The following EDIL3 variants were observed in gnomAD, a reference collection of about 807,000 sequenced individuals.
The protein encoded by EDIL3 is EGF-like repeat and discoidin I-like domain-containing protein 3.
Under a neutral mutation model 67.4 loss-of-function variants are expected in EDIL3, and 37 were observed. The observed-to-expected ratio is 0.55, with a 90% CI of 0.42 to 0.72. EDIL3 has a LOEUF of 0.72. Ranked by LOEUF, EDIL3 falls within the 30% of genes least tolerant of loss-of-function variation. EDIL3 has a pLI of 0.00. For missense variants in EDIL3, 527 were observed against 586.3 expected (o/e 0.90, Z 1.04); for synonymous variants, 195 against 196.3 (o/e 0.99, Z 0.05).
chr5:84,126,648 T>A (rs1747874699), intron 5 of EDIL3, among the ~76,000 whole-genome samples: 2 of 152,078 alleles, frequency 1.3e-5, no homozygotes, highest in Admixed American at 1.3e-4. Flanking sequence ...AACACTATGA[T>A]TGGTTGTTGC....
At chr5:84,083,165 G>A (rs1384993201) in intron 6 of EDIL3, among the ~76,000 whole-genome samples, 1 of 152,166 alleles carries the variant, frequency 6.6e-6, no homozygotes, top group Non-Finnish European at 1.5e-5. Context: ...ATAGCTTAAA[G>A]TGTATTGATG....
intron 4 of EDIL3, among the ~76,000 whole-genome samples, chr5:84,139,097 T>C (rs1748143331): frequency 6.6e-6 from 1 of 151,906 alleles, no homozygotes; most frequent in Admixed American, 6.6e-5. Flanking sequence ...AATTAGCTGG[T>C]GTGGTGGCGT....
chr5:84,248,771 C>G (rs1394111542), intron 2 of EDIL3, among the ~76,000 whole-genome samples: 1 of 152,158 alleles, frequency 6.6e-6, no homozygotes, highest in African/African-American at 2.4e-5. Context: ...CTCCCAAACT[C>G]TTTTTCTTCA....
chr5:84,168,192 T>C (rs1748743110), intron 4 of EDIL3, among the ~76,000 whole-genome samples: 1 of 152,178 alleles, frequency 6.6e-6, no homozygotes, highest in Non-Finnish European at 1.5e-5. Flanking sequence ...AGATTTCCTA[T>C]TCAAATGTAA....
At chr5:83,995,064 C>T (rs1434856527) in intron 9 of EDIL3, among the ~76,000 whole-genome samples, 1 of 151,892 alleles carries the variant, frequency 6.6e-6, no homozygotes, top group Admixed American at 6.6e-5. Context: ...TTGTAAAAGA[C>T]TTAATGACAA....
intron 9 of EDIL3, among the ~76,000 whole-genome samples, chr5:83,978,296 A>T (rs891760086): frequency 3.3e-5 from 5 of 151,966 alleles, no homozygotes; most frequent in African/African-American, 1.2e-4. Flanking sequence ...GGGCATCTAC[A>T]CAGAGATTGA....
chr5:84,029,554 A>C (rs1745880162), intron 9 of EDIL3, among the ~76,000 whole-genome samples: 1 of 152,216 alleles, frequency 6.6e-6, no homozygotes, highest in South Asian at 2.1e-4. Context: ...TAATAGAAAT[A>C]AAAGCATAAA....
intron 1 of EDIL3, among the ~76,000 whole-genome samples, chr5:84,271,866 T>C (rs963708940): frequency 2.0e-5 from 3 of 152,200 alleles, no homozygotes; most frequent in Non-Finnish European, 4.4e-5. Context: ...GTCAAAGGAA[T>C]TACAGACCAC....
At chr5:84,194,850 T>C (rs1436354312) in intron 3 of EDIL3, among the ~76,000 whole-genome samples, 1 of 151,922 alleles carries the variant, frequency 6.6e-6, no homozygotes, top group East Asian at 1.9e-4. Flanking sequence ...CTGTAGCTCA[T>C]AAAACAGTAA....
chr5:84,064,985 G>T (rs1300773585), intron 7 of EDIL3, 141 bp from the exon 8 acceptor site: 8 of 1,090,166 alleles, frequency 7.3e-6, no homozygotes, highest in Non-Finnish European at 9.8e-6. Flanking sequence ...TTTGAGAAGT[G>T]CCTTGCCATG....
rs371135574 is a variant in EDIL3, at chr5:84,098,335, C to T, written c.651+8314G>A. On this transcript the variant is annotated intron_variant, in intron 6 of 10. Coordinates refer to ENST00000296591, the MANE Select transcript of EDIL3 (RefSeq NM_005711.5). ...TGTGCTCATTATAAGTGAGTTTAAG[C>T]GAAGTACTCAAAGGTTTCATTTGAA... 3.3e-4 allele frequency among the ~76,000 whole-genome samples: 50 copies of T among 151,962 alleles called. 1 individual carries two copies. The South Asian group carries it at 3.7e-3, about 11-fold the overall frequency.
At chr5:84,309,613 G>A (rs1439902558) in intron 1 of EDIL3, among the ~76,000 whole-genome samples, 8 of 151,586 alleles carry the variant, frequency 5.3e-5, no homozygotes, top group East Asian at 3.9e-4. Context: ...TTGTCCTTGC[G>A]ATAGTTTACT....
chr5:84,192,245 A>T lies in EDIL3; in HGVS notation c.227-11724T>A, dbSNP rs911028986. On this transcript the variant is annotated intron_variant, in intron 3 of 10. Coordinates refer to ENST00000296591, the MANE Select transcript of EDIL3 (RefSeq NM_005711.5). ...CCTAACTGATCTCCTGCTCTTACAC[A>T]TCCTCCATAGCTACCCACCATGCAA... Among the ~76,000 whole-genome samples the T allele has an allele frequency of 4.0e-5, 6 of 151,782 alleles. No individual in the cohort carries two copies. In the South Asian group the frequency reaches 1.2e-3, roughly 32 times the overall value.
intron 9 of EDIL3, among the ~76,000 whole-genome samples, chr5:83,974,067 G>A (rs1252504049): frequency 1.3e-5 from 2 of 151,724 alleles, no homozygotes; most frequent in Non-Finnish European, 1.5e-5. Context: ...TTTGTAAATC[G>A]TCCACAGAGT....
At chr5:84,381,741 G>A (rs1282326162) in intron 1 of EDIL3, among the ~76,000 whole-genome samples, 1 of 152,178 alleles carries the variant, frequency 6.6e-6, no homozygotes, top group Non-Finnish European at 1.5e-5. Context: ...TCACGTGCTT[G>A]CTGCAACTGT....
chr5:84,127,538 G>C (rs1019522685), intron 5 of EDIL3, among the ~76,000 whole-genome samples: 2 of 151,936 alleles, frequency 1.3e-5, no homozygotes, highest in South Asian at 4.1e-4. Flanking sequence ...GCTCATTCTG[G>C]AACACTTGCA....
At chr5:84,027,149 G>A (rs1360230316) in intron 9 of EDIL3, among the ~76,000 whole-genome samples, 1 of 152,104 alleles carries the variant, frequency 6.6e-6, no homozygotes, top group East Asian at 1.9e-4. Context: ...TAGCTCTGGT[G>A]TCCTTTGAGC....
intron 9 of EDIL3, among the ~76,000 whole-genome samples, chr5:83,997,452 T>C (rs1422388821): frequency 6.6e-6 from 1 of 152,084 alleles, no homozygotes; most frequent in African/African-American, 2.4e-5. Flanking sequence ...AAAGAGAAAT[T>C]CAGGATACCT....
At chr5:84,187,352 C>G (rs1743482740) in intron 3 of EDIL3, among the ~76,000 whole-genome samples, 1 of 151,984 alleles carries the variant, frequency 6.6e-6, no homozygotes, top group Admixed American at 6.6e-5. Flanking sequence ...TGATTAGCTG[C>G]TTACACACTT....
Sources: gnomAD v4.1 joint callset for allele counts (sites outside exome capture counted in the v4.1 genomes callset) on GRCh38, gnomAD v4.1.1 for gene constraint, MANE v1.5 for transcripts, NCBI Gene and HGNC (gene_info 2026-07-23, HGNC 2026-07-21) for gene names.